POLG: variants seen among roughly 807,000 people sequenced by gnomAD.
POLG encodes DNA polymerase gamma, catalytic subunit.
In POLG, 110 loss-of-function variants were observed where a neutral mutation model predicts 155.4. The ratio of observed to expected loss-of-function variants is 0.71; its 90% CI spans 0.61 to 0.83. The LOEUF is 0.83. Among genes scored for constraint, POLG ranks in the 40% least tolerant of loss-of-function variants. The pLI is 0.00. For missense variants in POLG, 1,685 were observed against 1,627.5 expected (o/e 1.04, Z -0.61); for synonymous variants, 701 against 631.5 (o/e 1.11, Z -1.65).
rs752293938 is a variant in POLG at position 89,324,151 on chromosome 15, C to T, written c.2026G>A (p.Ala676Thr). Residue 676 changes from alanine to threonine, a missense_variant, in exon 11 of 23, where the codon GCG becomes ACG. Ala to Thr is a moderately conservative substitution (Grantham distance 58). This residue lies in a region of POLG where 1,210 missense variants were observed against 1,167.1 expected (regional missense o/e 1.04). Coordinates refer to ENST00000268124, the MANE Select transcript of POLG (RefSeq NM_002693.3). Reference sequence around the variant, plus strand: ...TTGTCAGTGAGCAGGAACTCCTCCGCCAGGCCGGCCTCCTGGGGCATCAGC... The same window carrying T: ...TTGTCAGTGAGCAGGAACTCCTCCGTCAGGCCGGCCTCCTGGGGCATCAGC... ...QQLMPQEAGL[A>T]EEFLLTDNSA... 16 of 1,614,064 alleles carry T rather than the reference C, an allele frequency of 9.9e-6. No individual in the cohort carries two copies. The Middle Eastern group carries it at 6.6e-4, about 67-fold the overall frequency.
intron 3 of POLG, among the ~76,000 whole-genome samples, chr15:89,329,826 C>CT (rs2055571167): frequency 1.3e-5 from 2 of 152,170 alleles, no homozygotes; most frequent in South Asian, 4.2e-4. Flanking sequence ...AAGACCCATG[C>CT]TAAGCTCTAA....
Position 89,320,948 on chromosome 15 carries a change from A to T in POLG, c.2799T>A (p.Ser933Arg). ...TGATGCCCACAGTAGTGGCTGTCTT[A>T]CTGTGTAGATCAGTGCCCCTGCTCT... Reference protein sequence around the residue: ...GRKSRGTDLHSKTATTVGISR... With the variant: ...GRKSRGTDLHRKTATTVGISR... Residue 933 changes from serine (S) to arginine (R), a missense_variant, in exon 18 of 23, where the codon AGT (serine) becomes AGA (arginine). By Grantham distance (110) the Ser-to-Arg change is moderately radical. Coordinates refer to ENST00000268124, the MANE Select transcript of POLG (RefSeq NM_002693.3). 1.2e-6 allele frequency: 2 copies of T among 1,613,978 alleles called. No individual in the cohort carries two copies. Among genetic ancestry groups the T allele is most frequent in the African/African-American group, 2.7e-5 (2 of 75,058 alleles).
In POLG at chr15:89,333,588, G is replaced by GCT; in HGVS notation, c.166_167insAG (p.Pro56GlnfsTer211). 1 of 1,604,890 alleles carries GCT rather than the reference G, an allele frequency of 6.2e-7. No individual in the cohort carries two copies. The highest frequency in any genetic ancestry group is 8.5e-7 in the Non-Finnish European group (1 of 1,176,630). ...CGAGGATAGCACTTGCGGCTGCTGA[G>GCT]GCTGCTGTTGCTGCTGCTGCTGCTG... On this transcript the variant is annotated frameshift_variant, in exon 2 of 23. Transcript: ENST00000268124. LOFTEE classifies it high-confidence loss of function.
intron 22 of POLG, 176 bp downstream of exon 22, chr15:89,317,200 A>G: frequency 1.6e-6 from 1 of 641,474 alleles, no homozygotes; most frequent in Non-Finnish European, 2.8e-6. Flanking sequence ...TCATTTCTGA[A>G]ACATCATATC....
At chr15:89,325,153 AGTGAGT>A (rs2055478550) in intron 10 of POLG, among the ~76,000 whole-genome samples, 2 of 94,924 alleles carry the variant, frequency 2.1e-5, no homozygotes, top group African/African-American at 8.3e-5. Flanking sequence ...AGAGTGAGTG[AGTGAGT>A]GAGTGAGTGA....
Position 89,333,393 on chromosome 15 carries a change from G to A in POLG, c.362C>T (p.Pro121Leu). The A allele has an allele frequency of 6.3e-7, 1 of 1,592,748 alleles. No individual in the cohort carries two copies. Among genetic ancestry groups the A allele is most frequent in the Non-Finnish European group, 8.5e-7 (1 of 1,172,910 alleles). The change falls in exon 2 of 23, where the codon CCC becomes CTC. Residue 121 changes from proline to leucine, a missense_variant. This residue lies in a region of POLG where 1,210 missense variants were observed against 1,167.1 expected (regional missense o/e 1.04). Coordinates refer to ENST00000268124, the MANE Select transcript of POLG (RefSeq NM_002693.3). The part of the protein sequence containing the change: ...GLWGQPAVPL[P>L]DVELRLPPLY... Reference sequence around the variant, plus strand: ...GGGCGGCAGGCGCAGCTCCACGTCGGGCAAGGGCACGGCTGGCTGCCCCCA... The same window carrying A: ...GGGCGGCAGGCGCAGCTCCACGTCGAGCAAGGGCACGGCTGGCTGCCCCCA...
Position 89,316,772 on chromosome 15 carries a change from TTTTTCCAA to T in POLG, c.3691_3698del (p.Leu1231ThrfsTer49). 6.2e-7 allele frequency: 1 copy of T among 1,613,494 alleles called. No homozygotes were observed. The highest frequency in any genetic ancestry group is 8.5e-7 in the Non-Finnish European group (1 of 1,179,456). On this transcript the variant is annotated frameshift_variant, in exon 23 of 23. Transcript: ENST00000268124. LOFTEE classifies it high-confidence loss of function. ...AGTGCTATGGTCCAGGCTGGCTTCGTTTTTCCAAGGAGCCTTTGGTGAGTTCAATTATC... is the reference window on the plus strand; with the variant it reads ...AGTGCTATGGTCCAGGCTGGCTTCGTGGAGCCTTTGGTGAGTTCAATTATC...
rs145289229 is a variant in POLG at position 89,328,532 on chromosome 15, G to C, written c.1174C>G (p.Leu392Val). Reference sequence around the variant, plus strand: ...ACGTCCTGGGCACAGTACTGCATCAGGTCCTGGCACAAGGTGACAGGAAGG... The same window carrying C: ...ACGTCCTGGGCACAGTACTGCATCACGTCCTGGCACAAGGTGACAGGAAGG... ...MKDIRENFQD[L>V]MQYCAQDVWA... Residue 392 changes from leucine to valine, a missense_variant, in exon 6 of 23, where the codon CTG becomes GTG. Coordinates refer to ENST00000268124, the MANE Select transcript of POLG (RefSeq NM_002693.3). The C allele has an allele frequency of 2.0e-3, 3,277 of 1,613,692 alleles. 7 individuals carry two copies. Among genetic ancestry groups the C allele is most frequent in the Non-Finnish European group, 2.2e-3 (2,587 of 1,179,854 alleles).
rs752850240 is a variant in POLG at position 89,325,199 on chromosome 15, T to TGAGA, written c.1949+250_1949+251insTCTC. ...GTGAGAGAGTGAGTGAGTGAGAGAG[T>TGAGA]GAGTGAGAGAGTGAGTGAGTGAGAG... On this transcript the variant is annotated intron_variant, in intron 10 of 22. Transcript: ENST00000268124. 7.4e-4 allele frequency among the ~76,000 whole-genome samples: 34 copies of TGAGA among 45,808 alleles called. 1 individual carries two copies. Among genetic ancestry groups the TGAGA allele is most frequent in the Non-Finnish European group, 9.4e-4 (23 of 24,380 alleles). The allele number at this position is 45,808 out of a possible 152,430, so 30.1% of individuals were successfully genotyped here.
In POLG at chr15:89,322,826, G is replaced by A; in HGVS notation, c.2342C>T (p.Ala781Val). 1.9e-6 allele frequency: 3 copies of A among 1,614,056 alleles called. No homozygotes were observed. Among genetic ancestry groups the A allele is most frequent in the African/African-American group, 1.3e-5 (1 of 75,070 alleles). The change falls in exon 14 of 23, where the codon GCT (alanine) becomes GTT (valine). Residue 781 changes from alanine to valine, a missense_variant. This residue lies in a region of POLG where 1,210 missense variants were observed against 1,167.1 expected (regional missense o/e 1.04). Transcript: ENST00000268124. ...LPKMEDGTLQ[A>V]GPGGASGPRA... ...GGGCCCACTGGCACCTCCTGGGCCA[G>A]CCTGCAGGGTGCCATCCTCCATCTT...
chr15:89,326,524 C>CA (rs2055519861), intron 9 of POLG, 88 bp downstream of exon 9: 1 of 1,421,422 alleles, frequency 7.0e-7, no homozygotes, highest in Non-Finnish European at 9.8e-7. Context: ...GTGCATGATG[C>CA]CTCTGTGCCA....
chr15:89,321,535 C>A (rs1461925765), intron 16 of POLG, among the ~76,000 whole-genome samples: 4 of 152,228 alleles, frequency 2.6e-5, no homozygotes, highest in Admixed American at 1.3e-4. Flanking sequence ...CTGTCACGGT[C>A]TGGCCAGGAG....
Position 89,323,828 on chromosome 15 carries a change from T to C in POLG, c.2144A>G (p.Gln715Arg), listed in dbSNP as rs2055433190. 9 of 1,613,792 alleles carry C rather than the reference T, an allele frequency of 5.6e-6. No homozygotes were observed. The highest frequency in any genetic ancestry group is 6.8e-6 in the Non-Finnish European group (8 of 1,179,682). The change falls in exon 12 of 23, where the codon CAA becomes CGA. Residue 715 changes from glutamine to arginine, a missense_variant. Coordinates refer to ENST00000268124, the MANE Select transcript of POLG (RefSeq NM_002693.3). The part of the protein sequence containing the change: ...MENLRAAVPG[Q>R]PLALTARGGP... The stretch of plus-strand genomic sequence containing the variant: ...CGCACTGCTCACCAGAGCTAGGGGT[T>C]GACCTGGCACTGCAGCTCGCAAGTT...
In POLG at chr15:89,326,642, T is replaced by C. The variant is rs1350960257; in HGVS notation, c.1682A>G (p.Lys561Arg). ...KLKGTTELLPKRPQHLPGHPG... is the reference protein window; with the variant it reads ...KLKGTTELLPRRPQHLPGHPG... ...GTGTCCAGGAAGGTGCTGGGGCCGCTTGGGCAGGAGCTCTGTGGTCCCCTT... is the reference window on the plus strand; with the variant it reads ...GTGTCCAGGAAGGTGCTGGGGCCGCCTGGGCAGGAGCTCTGTGGTCCCCTT... Residue 561 changes from lysine to arginine, a missense_variant, in exon 9 of 23, where the codon AAG becomes AGG. Coordinates refer to ENST00000268124, the MANE Select transcript of POLG (RefSeq NM_002693.3). 2 of 1,614,018 alleles carry C rather than the reference T, an allele frequency of 1.2e-6. No homozygotes were observed. Among genetic ancestry groups the C allele is most frequent in the Non-Finnish European group, 1.7e-6 (2 of 1,180,028 alleles).
chr15:89,319,293 G>A lies in POLG; in HGVS notation c.3039C>T (p.Asp1013=). 1 of 1,614,124 alleles carries A rather than the reference G, an allele frequency of 6.2e-7. No individual in the cohort carries two copies. The highest frequency in any genetic ancestry group is 8.5e-7 in the Non-Finnish European group (1 of 1,180,016). ...GGGAAATCCAGCCACCCTCAGTCCT[G>A]TCCACTGGGAGGTTCAACTCCCTCA... ...WLVRELNLPV[D]RTEGGWISLQ... is the part of the protein sequence containing the mutation. The change falls in exon 19 of 23, where the codon GAC becomes GAT. Residue 1013 remains aspartate (D), a synonymous_variant. Coordinates refer to ENST00000268124, the MANE Select transcript of POLG (RefSeq NM_002693.3).
chr15:89,318,465 T>G, intron 21 of POLG, 76 bp downstream of exon 21: 1 of 1,213,088 alleles, frequency 8.2e-7, no homozygotes, highest in Non-Finnish European at 1.2e-6. Flanking sequence ...AACTGACCAG[T>G]CTGGCCCAAG....
Position 89,333,299 on chromosome 15 carries a change from C to T in POLG, c.456G>A (p.Glu152=). 1 of 1,555,846 alleles carries T rather than the reference C, an allele frequency of 6.4e-7. No homozygotes were observed. The highest frequency in any genetic ancestry group is 2.4e-5 in the East Asian group (1 of 41,586). ...GGGCCTGCAACAGCAAGTTGGCCGC[C>T]TCCAGGTAGGGCAGGCTCTGCTTCT... ...LAQKQSLPYL[E]AANLLLQAQL... The change falls in exon 2 of 23, where the codon GAG becomes GAA. Residue 152 remains glutamate, a synonymous_variant. Coordinates refer to ENST00000268124, the MANE Select transcript of POLG (RefSeq NM_002693.3).
chr15:89,328,524 C>A lies in POLG; in HGVS notation c.1182G>T (p.Gln394His). The part of the protein sequence containing the change: ...DIRENFQDLM[Q>H]YCAQDVWATH... ...TGGCCCACACGTCCTGGGCACAGTA[C>A]TGCATCAGGTCCTGGCACAAGGTGA... The change falls in exon 6 of 23, where the codon CAG becomes CAT. Residue 394 changes from glutamine to histidine, a missense_variant. Physicochemically the swap from Gln to His is conservative, Grantham distance 24 (BLOSUM62 0). This residue lies in a region of POLG where 1,210 missense variants were observed against 1,167.1 expected (regional missense o/e 1.04). Transcript: ENST00000268124. 6.2e-7 allele frequency: 1 copy of A among 1,613,870 alleles called. No homozygotes were observed. Among genetic ancestry groups the A allele is most frequent in the Non-Finnish European group, 8.5e-7 (1 of 1,179,978 alleles).
At position 89,321,016 on chromosome 15, in the gene POLG, G is replaced by C. The variant is rs1417499460; in HGVS notation, c.2735-4C>G. 3 of 1,614,018 alleles carry C rather than the reference G, an allele frequency of 1.9e-6. No individual in the cohort carries two copies. In the African/African-American group the frequency reaches 4.0e-5, roughly 22 times the overall value. On this transcript the variant is annotated splice_region_variant and splice_polypyrimidine_tract_variant and intron_variant, in intron 17 of 22. Transcript: ENST00000268124. ...ATCCACCCAAAGGCTGTGCAGCCTGGAAGACAAGCAGGAGTGAGAAAAGCA... is the reference window on the plus strand; with the variant it reads ...ATCCACCCAAAGGCTGTGCAGCCTGCAAGACAAGCAGGAGTGAGAAAAGCA...
Sources: gnomAD v4.1 joint callset for allele counts (sites outside exome capture counted in the v4.1 genomes callset) on GRCh38, gnomAD v4.1.1 for gene constraint, gnomAD v4.1.1 regional missense constraint, MANE v1.5 for transcripts, NCBI Gene and HGNC (gene_info 2026-07-23, HGNC 2026-07-21) for gene names.